CACNA2D3: variants seen among roughly 807,000 people sequenced by gnomAD.
CACNA2D3 encodes the protein calcium voltage-gated channel auxiliary subunit alpha2delta 3, also known as voltage-dependent calcium channel subunit alpha-2/delta-3.
A neutral mutation model predicts 160.6 loss-of-function variants in CACNA2D3; 60 were observed. The ratio of observed to expected loss-of-function variants is 0.37; its 90% CI spans 0.30 to 0.46. The LOEUF is 0.46. Ranked by LOEUF, CACNA2D3 falls within the 20% of genes least tolerant of loss-of-function variation. The pLI, the probability that CACNA2D3 is intolerant of heterozygous loss-of-function variation, is 1.00. For missense variants in CACNA2D3, 1,205 were observed against 1,365.0 expected (o/e 0.88, Z 1.85); for synonymous variants, 558 against 492.9 (o/e 1.13, Z -1.75).
chr3:55,031,523 C>A (rs559669369), intron 35 of CACNA2D3, among the ~76,000 whole-genome samples: 15 of 152,174 alleles, frequency 9.9e-5, no homozygotes, highest in Non-Finnish European at 1.5e-4. Flanking sequence ...CAAAGGACAT[C>A]CCGTATACTC....
intron 2 of CACNA2D3, among the ~76,000 whole-genome samples, chr3:54,132,866 C>T (rs1441942279): frequency 1.3e-5 from 2 of 152,112 alleles, no homozygotes; most frequent in African/African-American, 4.8e-5. Flanking sequence ...TCAGTGTTCG[C>T]ACCTCTCAAA....
At chr3:55,043,324 C>CTCTT (rs534667609) in intron 35 of CACNA2D3, among the ~76,000 whole-genome samples, 2,467 of 144,996 alleles carry the variant, frequency 0.017, 76 homozygotes, top group African/African-American at 0.059. Context: ...CTCCCTCCCT[C>CTCTT]TCTTTCTTTC....
At chr3:54,515,672 C>T (rs1159301366) in intron 5 of CACNA2D3, among the ~76,000 whole-genome samples, 1 of 152,140 alleles carries the variant, frequency 6.6e-6, no homozygotes, top group Non-Finnish European at 1.5e-5. Flanking sequence ...TGATGTTGGC[C>T]TGGGAAAAGA....
chr3:54,508,821 C>T (rs1387969714), intron 5 of CACNA2D3, among the ~76,000 whole-genome samples: 1 of 152,104 alleles, frequency 6.6e-6, no homozygotes, highest in Admixed American at 6.5e-5. Context: ...GGTCCAGCCC[C>T]TGAAAATGAA....
At chr3:54,578,354 G>A (rs925439937) in intron 8 of CACNA2D3, among the ~76,000 whole-genome samples, 3 of 152,142 alleles carry the variant, frequency 2.0e-5, no homozygotes, top group African/African-American at 7.2e-5. Flanking sequence ...AAATATATAT[G>A]GCTCTTCTAC....
intron 14 of CACNA2D3, among the ~76,000 whole-genome samples, chr3:54,829,044 G>C (rs1291944025): frequency 1.3e-5 from 2 of 152,146 alleles, no homozygotes; most frequent in Non-Finnish European, 2.9e-5. Flanking sequence ...CAAACCTTAA[G>C]ATTATCACTA....
chr3:54,556,861 T>C (rs1702249393), intron 5 of CACNA2D3, among the ~76,000 whole-genome samples: 1 of 152,158 alleles, frequency 6.6e-6, no homozygotes, highest in Non-Finnish European at 1.5e-5. Flanking sequence ...CTGCTCCCCA[T>C]GGGACAGTGG....
intron 4 of CACNA2D3, among the ~76,000 whole-genome samples, chr3:54,456,743 T>C (rs1370745452): frequency 1.3e-5 from 2 of 151,960 alleles, no homozygotes; most frequent in African/African-American, 4.8e-5. Context: ...CTTTTCTTTA[T>C]TGGGAGGTTT....
rs112369544 is a variant in CACNA2D3 at position 54,649,143 on chromosome 3, C to G, written c.1167+6902C>G. Among the ~76,000 whole-genome samples the G allele has an allele frequency of 3.9e-3, 591 of 152,322 alleles. 2 individuals are homozygous for G. The highest frequency in any genetic ancestry group is 0.013 in the African/African-American group (559 of 41,564). ...TCTCTTACCAAAATGTTTAGCGGCCCTTTCTCCTTTTCCCTCTCTCCTTGC... is the reference window on the plus strand; with the variant it reads ...TCTCTTACCAAAATGTTTAGCGGCCGTTTCTCCTTTTCCCTCTCTCCTTGC... On this transcript the variant is annotated intron_variant, in intron 11 of 37. Coordinates refer to ENST00000474759, the MANE Select transcript of CACNA2D3 (RefSeq NM_018398.3).
chr3:54,955,452 T>C (rs1701863606), intron 27 of CACNA2D3, among the ~76,000 whole-genome samples: 1 of 151,736 alleles, frequency 6.6e-6, no homozygotes, highest in South Asian at 2.1e-4. Context: ...GCATTTCTTT[T>C]GGAAAAAAGA....
chr3:54,287,474 A>T (rs1415512650), intron 2 of CACNA2D3, among the ~76,000 whole-genome samples: 2 of 150,758 alleles, frequency 1.3e-5, no homozygotes, highest in African/African-American at 2.4e-5. Context: ...CACAATAATA[A>T]TGGGAGACTT....
At chr3:54,335,285 T>A (rs1047043324) in intron 3 of CACNA2D3, among the ~76,000 whole-genome samples, 1 of 152,204 alleles carries the variant, frequency 6.6e-6, no homozygotes, top group East Asian at 1.9e-4. Flanking sequence ...TAAAGTAAAG[T>A]GAAAGCAAGT....
At chr3:54,319,233 C>T (rs546244843) in intron 2 of CACNA2D3, among the ~76,000 whole-genome samples, 2 of 150,382 alleles carry the variant, frequency 1.3e-5, no homozygotes, top group South Asian at 2.1e-4. Flanking sequence ...ACTGAGCCTC[C>T]CAATTTACAT....
intron 2 of CACNA2D3, among the ~76,000 whole-genome samples, chr3:54,243,757 G>A (rs530144989): frequency 9.2e-5 from 14 of 152,268 alleles, no homozygotes; most frequent in Admixed American, 2.0e-4. Flanking sequence ...AAAAGCACCC[G>A]TGCTCTGACC....
chr3:54,957,111 C>T (rs2107034313), intron 27 of CACNA2D3, among the ~76,000 whole-genome samples: 1 of 152,230 alleles, frequency 6.6e-6, no homozygotes, highest in Admixed American at 6.5e-5. Context: ...ATTATTACTA[C>T]TGCTATGATT....
At chr3:54,598,658 G>A (rs1289918689) in intron 9 of CACNA2D3, among the ~76,000 whole-genome samples, 2 of 152,122 alleles carry the variant, frequency 1.3e-5, no homozygotes, top group Non-Finnish European at 2.9e-5. Flanking sequence ...TTAATACCAA[G>A]TCCTCTACCT....
intron 11 of CACNA2D3, among the ~76,000 whole-genome samples, chr3:54,710,880 T>G (rs1215987029): frequency 6.6e-6 from 1 of 152,208 alleles, no homozygotes; most frequent in Non-Finnish European, 1.5e-5. Context: ...TAATTAAATC[T>G]CCTTACCTAC....
At chr3:55,045,261 G>A (rs560262999) in intron 35 of CACNA2D3, among the ~76,000 whole-genome samples, 1 of 152,136 alleles carries the variant, frequency 6.6e-6, no homozygotes, top group Non-Finnish European at 1.5e-5. Flanking sequence ...TGCTGGCTAG[G>A]CTGGTCTTGA....
At chr3:54,932,747 C>G (rs544822754) in intron 27 of CACNA2D3, among the ~76,000 whole-genome samples, 1 of 152,322 alleles carries the variant, frequency 6.6e-6, no homozygotes, top group Admixed American at 6.5e-5. Context: ...AAGTCATGGC[C>G]AAGTGCTCCT....
Sources: gnomAD v4.1 joint callset for allele counts (sites outside exome capture counted in the v4.1 genomes callset) on GRCh38, gnomAD v4.1.1 for gene constraint, MANE v1.5 for transcripts, NCBI Gene and HGNC (gene_info 2026-07-23, HGNC 2026-07-21) for gene names.